Variants in ARHGAP11A observed in about 807,000 individuals in gnomAD.
ARHGAP11A encodes rho GTPase-activating protein 11A.
ARHGAP11A carries 36 observed loss-of-function variants against 60.5 expected under a neutral mutation model. The observed-to-expected ratio is 0.59, with a 90% CI of 0.46 to 0.79. The LOEUF is 0.79. Among genes scored for constraint, ARHGAP11A ranks in the 30% least tolerant of loss-of-function variants. ARHGAP11A has a pLI of 0.00. For synonymous variants in ARHGAP11A, 362 were observed against 415.5 expected, an observed-to-expected ratio of 0.87 and a Z score of 1.57; for missense variants, 1,071 against 1,199.2, an observed-to-expected ratio of 0.89 and a Z score of 1.58.
At chr15:32,629,151 T>C (rs12438775) in intron 7 of ARHGAP11A, among the ~76,000 whole-genome samples, 117,841 of 145,512 alleles carry the variant, frequency 0.81, 47,996 homozygotes, top group African/African-American at 0.85. Flanking sequence ...AATTTTTTAT[T>C]CTAATTTGCT....
intron 10 of ARHGAP11A, among the ~76,000 whole-genome samples, chr15:32,634,253 C>A (rs2053654219): frequency 6.6e-6 from 1 of 152,046 alleles, no homozygotes; most frequent in South Asian, 2.1e-4. Flanking sequence ...TCCACTCACT[C>A]AAGGTGATCA....
Position 32,636,491 on chromosome 15 carries a change from A to G in ARHGAP11A, c.1718A>G (p.Asn573Ser), listed in dbSNP as rs1203520337. Residue 573 changes from asparagine (N) to serine (S), a missense_variant, in exon 12 of 12, where the codon AAT becomes AGT. Asn to Ser is a conservative substitution (Grantham distance 46). Around this residue, in one of 4 missense-constraint regions of ARHGAP11A, gnomAD observed 776 missense variants for 760.2 expected, o/e 1.02. Transcript: ENST00000361627. ...SCELTPSNLN[N>S]KHNSNITSSP... ...GAACTCACCCCTTCCAATTTAAACA[A>G]TAAGCATAATAGCAACATAACAAGT... 3.7e-6 allele frequency: 6 copies of G among 1,613,834 alleles called. No homozygotes were observed. The highest frequency in any genetic ancestry group is 3.3e-4 in the Middle Eastern group (2 of 6,078).
Position 32,636,722 on chromosome 15 carries a change from C to T in ARHGAP11A, c.1949C>T (p.Thr650Ile), listed in dbSNP as rs2053723735. The change falls in exon 12 of 12, where the codon ACT becomes ATT. Residue 650 changes from threonine to isoleucine, a missense_variant. Around this residue, in one of 4 missense-constraint regions of ARHGAP11A, gnomAD observed 776 missense variants for 760.2 expected, o/e 1.02. Coordinates refer to ENST00000361627, the MANE Select transcript of ARHGAP11A (RefSeq NM_014783.6). Reference protein sequence around the residue: ...EENLFETNDLTIVESKEKYEH... With the variant: ...EENLFETNDLIIVESKEKYEH... ...AATCTATTTGAAACTAATGATTTGA[C>T]TATAGTAGAATCAAAGGAGAAATAT... The T allele has an allele frequency of 4.3e-6, 7 of 1,613,732 alleles. No individual in the cohort carries two copies. Among genetic ancestry groups the T allele is most frequent in the Non-Finnish European group, 5.9e-6 (7 of 1,179,896 alleles).
chr15:32,621,314 C>T (rs1004272185), intron 2 of ARHGAP11A, among the ~76,000 whole-genome samples: 3 of 150,656 alleles, frequency 2.0e-5, no homozygotes, highest in Non-Finnish European at 4.4e-5. Flanking sequence ...CCTCAGCCTC[C>T]GGAGTAGCTG....
chr15:32,620,109 G>A lies in ARHGAP11A; in HGVS notation c.131G>A (p.Gly44Asp), dbSNP rs768942233. Residue 44 changes from glycine to aspartate, a missense_variant and splice_region_variant, in exon 2 of 12, where the codon GGT becomes GAT. Physicochemically the swap from Gly to Asp is moderately conservative, Grantham distance 94. This residue lies in a region of ARHGAP11A where 71 missense variants were observed against 142.4 expected (regional missense o/e 0.50). Transcript: ENST00000361627. ...RHETAATEIG[G>D]KIFGVPFNAL... ...GAGTAACTGAATTTGTCATTTTAGG[G>A]TAAAATATTTGGAGTACCTTTTAAT... 1.2e-6 allele frequency: 2 copies of A among 1,604,180 alleles called. No individual in the cohort carries two copies. The highest frequency in any genetic ancestry group is 1.7e-6 in the Non-Finnish European group (2 of 1,174,746).
intron 4 of ARHGAP11A, 61 bp from the exon 5 acceptor site, chr15:32,625,018 TA>T: frequency 6.4e-7 from 1 of 1,559,554 alleles, no homozygotes; most frequent in Non-Finnish European, 8.8e-7. Flanking sequence ...CTACATACGT[TA>T]TTTTAACTCT....
intron 8 of ARHGAP11A, among the ~76,000 whole-genome samples, chr15:32,632,437 T>C (rs1218674865): frequency 6.6e-6 from 1 of 152,216 alleles, no homozygotes; most frequent in Non-Finnish European, 1.5e-5. Flanking sequence ...TTGAACAAAT[T>C]ACATTCCGGA....
chr15:32,634,034 G>T lies in ARHGAP11A; in HGVS notation c.1337G>T (p.Arg446Ile). Reference sequence around the variant, plus strand: ...AAATTCAATCTAGGGAAAAATGGCAGAGAAGTAGTAAGTTTCTTACCATTT... The same window carrying T: ...AAATTCAATCTAGGGAAAAATGGCATAGAAGTAGTAAGTTTCTTACCATTT... The part of the protein sequence containing the change: ...RLKFNLGKNG[R>I]EVNGCSGVNR... Residue 446 changes from arginine (R) to isoleucine (I), a missense_variant, in exon 10 of 12, where the codon AGA (arginine) becomes ATA (isoleucine). Around this residue, in one of 4 missense-constraint regions of ARHGAP11A, gnomAD observed 776 missense variants for 760.2 expected, o/e 1.02. Transcript: ENST00000361627. 1.3e-6 allele frequency: 2 copies of T among 1,598,786 alleles called. No individual in the cohort carries two copies. The highest frequency in any genetic ancestry group is 1.7e-6 in the Non-Finnish European group (2 of 1,172,756).
chr15:32,637,103 C>T lies in ARHGAP11A; in HGVS notation c.2330C>T (p.Pro777Leu), dbSNP rs1459882093. 2 of 1,613,852 alleles carry T rather than the reference C, an allele frequency of 1.2e-6. No homozygotes were observed. Among genetic ancestry groups the T allele is most frequent in the Admixed American group, 1.7e-5 (1 of 60,008 alleles). The stretch of plus-strand genomic sequence containing the variant: ...TGTGTTGTAACAAACTTGTCAAAAC[C>T]TAGGCCTATGAGAATTGCTAAACAG... ...STCVVTNLSK[P>L]RPMRIAKQQS... The change falls in exon 12 of 12, where the codon CCT (proline) becomes CTT (leucine). Residue 777 changes from proline to leucine, a missense_variant. Pro to Leu is a moderately conservative substitution (Grantham distance 98). Coordinates refer to ENST00000361627, the MANE Select transcript of ARHGAP11A (RefSeq NM_014783.6).
chr15:32,635,847 A>G lies in ARHGAP11A; in HGVS notation c.1415A>G (p.Asn472Ser), dbSNP rs898659563. Residue 472 changes from asparagine (N) to serine (S), a missense_variant, in exon 11 of 12, where the codon AAT becomes AGT. Asn to Ser is a conservative substitution (Grantham distance 46). This residue lies in a region of ARHGAP11A where 776 missense variants were observed against 760.2 expected (regional missense o/e 1.02). Coordinates refer to ENST00000361627, the MANE Select transcript of ARHGAP11A (RefSeq NM_014783.6). ...CTTGCAAATCAACAAAGTTTAAAAA[A>G]TCGAATTGAATCTGTAAAAACAGGT... is the stretch of plus-strand genomic sequence containing the variant. Reference protein sequence around the residue: ...WRLANQQSLKNRIESVKTGLL... With the variant: ...WRLANQQSLKSRIESVKTGLL... 3 of 1,611,084 alleles carry G rather than the reference A, an allele frequency of 1.9e-6. No homozygotes were observed. The African/African-American group carries it at 4.0e-5, about 22-fold the overall frequency.
chr15:32,625,680 C>T (rs762372055), intron 6 of ARHGAP11A, 47 bp downstream of exon 6: 21 of 1,603,088 alleles, frequency 1.3e-5, no homozygotes, highest in African/African-American at 9.4e-5. Context: ...TTGCTTTAAT[C>T]GAAAGTACAT....
chr15:32,625,108 A>G lies in ARHGAP11A; in HGVS notation c.580A>G (p.Asn194Asp), dbSNP rs1019364622. 1.2e-6 allele frequency: 2 copies of G among 1,613,836 alleles called. No individual in the cohort carries two copies. The highest frequency in any genetic ancestry group is 2.7e-5 in the African/African-American group (2 of 74,928). ...RSSENKMDSS[N>D]LAVIFAPNLL... The stretch of plus-strand genomic sequence containing the variant: ...CAGTGAGAATAAGATGGACAGCAGC[A>G]ATCTTGCAGTAATATTTGCACCGAA... The change falls in exon 5 of 12, where the codon AAT becomes GAT. Residue 194 changes from asparagine (N) to aspartate (D), a missense_variant. By Grantham distance (23) the Asn-to-Asp change is conservative (BLOSUM62 1). Transcript: ENST00000361627.
intron 2 of ARHGAP11A, among the ~76,000 whole-genome samples, chr15:32,621,840 GAAAAA>G: frequency 9.4e-5 from 1 of 10,624 alleles, no homozygotes; most frequent in Non-Finnish European, 2.1e-4. Flanking sequence ...AAAAAAAAAA[GAAAAA>G]AAAAGAATGT....
In ARHGAP11A at chr15:32,629,666, G is replaced by T; in HGVS notation, c.1009G>T (p.Gly337Cys). Residue 337 changes from glycine to cysteine, a missense_variant, in exon 8 of 12, where the codon GGT (glycine) becomes TGT (cysteine). This residue lies in a region of ARHGAP11A where 196 missense variants were observed against 272.1 expected (regional missense o/e 0.72). Coordinates refer to ENST00000361627, the MANE Select transcript of ARHGAP11A (RefSeq NM_014783.6). ...KRTLPVDSSH[G>C]FSSKKRKSIK... is the part of the protein sequence containing the mutation. ...TACATTGCCAGTAGATTCTTCTCAT[G>T]GTTTCTCAAGTAAGAAAAGGAAGTC... is the stretch of plus-strand genomic sequence containing the variant. 6.2e-7 allele frequency: 1 copy of T among 1,613,410 alleles called. No homozygotes were observed. Among genetic ancestry groups the T allele is most frequent in the Non-Finnish European group, 8.5e-7 (1 of 1,179,714 alleles).
At chr15:32,620,265 A>C in intron 2 of ARHGAP11A, 87 bp downstream of exon 2, 1 of 1,608,472 alleles carries the variant, frequency 6.2e-7, no homozygotes. Flanking sequence ...TGGGCAAATC[A>C]CTTGAGTCCA....
intron 6 of ARHGAP11A, among the ~76,000 whole-genome samples, chr15:32,627,525 C>G (rs1043789285): frequency 1.3e-5 from 2 of 151,888 alleles, no homozygotes; most frequent in South Asian, 2.1e-4. Flanking sequence ...GTCAGGAGAT[C>G]GAGACCATCC....
intron 10 of ARHGAP11A, among the ~76,000 whole-genome samples, chr15:32,635,211 A>G (rs2053677481): frequency 6.6e-6 from 1 of 151,990 alleles, no homozygotes; most frequent in Non-Finnish European, 1.5e-5. Flanking sequence ...CTCTTTCTGT[A>G]GTGTTCTTCC....
rs776387191 is a variant in ARHGAP11A at position 32,629,744 on chromosome 15, A to C, written c.1087A>C (p.Ser363Arg). Residue 363 changes from serine (S) to arginine (R), a missense_variant, in exon 8 of 12, where the codon AGT becomes CGT. This residue lies in a region of ARHGAP11A where 196 missense variants were observed against 272.1 expected (regional missense o/e 0.72). Coordinates refer to ENST00000361627, the MANE Select transcript of ARHGAP11A (RefSeq NM_014783.6). Reference sequence around the variant, plus strand: ...GTTGCCAAGTAATCTCTTCAATAGCAGTTCTACACCGGTATCAGGTAGCAA... The same window carrying C: ...GTTGCCAAGTAATCTCTTCAATAGCCGTTCTACACCGGTATCAGGTAGCAA... The part of the protein sequence containing the change: ...ELLPSNLFNS[S>R]STPVSVHIDT... 106 of 1,609,498 alleles carry C rather than the reference A, an allele frequency of 6.6e-5. No homozygotes were observed. The highest frequency in any genetic ancestry group is 7.6e-5 in the Non-Finnish European group (90 of 1,178,746).
Position 32,638,002 on chromosome 15 carries a change from A to T in ARHGAP11A, c.*157A>T. The T allele has an allele frequency of 1.5e-6, 1 of 655,888 alleles. No homozygotes were observed. Among genetic ancestry groups the T allele is most frequent in the Non-Finnish European group, 2.5e-6 (1 of 407,116 alleles). 40.6% of individuals were successfully genotyped at this position (655,888 alleles called of 1,614,324 possible). A position where few individuals can be genotyped will look rare whatever the true frequency, so the allele number is the denominator to read the frequency against. On this transcript the variant is annotated 3_prime_UTR_variant, in exon 12 of 12. Coordinates refer to ENST00000361627, the MANE Select transcript of ARHGAP11A (RefSeq NM_014783.6). ...ATTTTTTTCACTGTACAAGCAACTT[A>T]GATTTTTATTTGTACAAATTACTTC...
Sources: allele counts gnomAD v4.1 joint callset (sites outside exome capture counted in the v4.1 genomes callset), GRCh38; gene constraint gnomAD v4.1.1; regional missense constraint gnomAD v4.1.1; transcripts MANE v1.5; gene names NCBI Gene and HGNC (gene_info 2026-07-23, HGNC 2026-07-21).